Variants in DPP10 observed in about 807,000 individuals in gnomAD.
DPP10 encodes the protein inactive dipeptidyl peptidase 10.
Under a neutral mutation model 120.9 loss-of-function variants are expected in DPP10, and 33 were observed. The observed-to-expected ratio is 0.27, with a 90% CI of 0.21 to 0.37. DPP10 has a LOEUF of 0.37. DPP10 is among the 10% of genes least tolerant of loss of function. The pLI, the probability that DPP10 is intolerant of heterozygous loss-of-function variation, is 1.00. For synonymous variants in DPP10, 337 were observed against 326.1 expected (o/e 1.03, Z -0.36); for missense variants, 816 against 942.8 (o/e 0.87, Z 1.76).
At chr2:115,515,601 C>G (rs994685867) in intron 4 of DPP10, among the ~76,000 whole-genome samples, 3 of 152,032 alleles carry the variant, frequency 2.0e-5, no homozygotes, top group African/African-American at 7.2e-5. Context: ...TAGTCTTAAT[C>G]TAACTGGAAT....
At chr2:114,531,565 C>CATAT (rs5833549) in intron 1 of DPP10, among the ~76,000 whole-genome samples, 22 of 147,434 alleles carry the variant, frequency 1.5e-4, no homozygotes, top group South Asian at 4.3e-4. Flanking sequence ...TATATGTATT[C>CATAT]ATATATATAT....
chr2:115,165,961 A>G (rs1037308370), intron 1 of DPP10, among the ~76,000 whole-genome samples: 1 of 152,350 alleles, frequency 6.6e-6, no homozygotes, highest in East Asian at 1.9e-4. Flanking sequence ...ATCTCTTACA[A>G]TTGAACGTGA....
At chr2:114,929,807 G>T (rs1277875038) in intron 1 of DPP10, among the ~76,000 whole-genome samples, 1 of 152,204 alleles carries the variant, frequency 6.6e-6, no homozygotes, top group African/African-American at 2.4e-5. Context: ...GAAATTATAA[G>T]AGTATTGATT....
At chr2:114,745,809 T>G (rs1678525081) in intron 1 of DPP10, among the ~76,000 whole-genome samples, 1 of 152,212 alleles carries the variant, frequency 6.6e-6, no homozygotes, top group African/African-American at 2.4e-5. Flanking sequence ...AAAGTTGGCT[T>G]GCAGACCTCC....
intron 16 of DPP10, among the ~76,000 whole-genome samples, chr2:115,781,486 T>C (rs1333852317): frequency 6.6e-6 from 1 of 151,962 alleles, no homozygotes; most frequent in Non-Finnish European, 1.5e-5. Context: ...TGTAACAATA[T>C]GCGTAGTCTT....
At chr2:115,812,878 T>G (rs1490353402) in intron 19 of DPP10, among the ~76,000 whole-genome samples, 1 of 151,072 alleles carries the variant, frequency 6.6e-6, no homozygotes, top group East Asian at 1.9e-4. Flanking sequence ...GTACATGACA[T>G]AATGGATCTT....
intron 1 of DPP10, among the ~76,000 whole-genome samples, chr2:114,727,224 G>T (rs1676412767): frequency 6.6e-6 from 1 of 152,182 alleles, no homozygotes; most frequent in Non-Finnish European, 1.5e-5. Flanking sequence ...GGCGATGGCT[G>T]GCAGAGTGGT....
intron 2 of DPP10, among the ~76,000 whole-genome samples, chr2:115,321,386 C>G (rs1017003256): frequency 6.6e-6 from 1 of 152,082 alleles, no homozygotes; most frequent in Non-Finnish European, 1.5e-5. Context: ...TGAGAAATCT[C>G]CTGTTAAACT....
chr2:115,305,188 C>T (rs752076674), intron 1 of DPP10, among the ~76,000 whole-genome samples: 6 of 151,984 alleles, frequency 3.9e-5, no homozygotes, highest in Non-Finnish European at 7.4e-5. Context: ...GCACTTTGTT[C>T]TGTGACCAAA....
chr2:114,810,608 C>A (rs1202282083), intron 1 of DPP10, among the ~76,000 whole-genome samples: 2 of 152,212 alleles, frequency 1.3e-5, no homozygotes, highest in Non-Finnish European at 2.9e-5. Flanking sequence ...CATTTTCCAG[C>A]AATATTAGTA....
chr2:114,695,408 C>A (rs1275179918), intron 1 of DPP10, among the ~76,000 whole-genome samples: 2 of 152,028 alleles, frequency 1.3e-5, no homozygotes, highest in Non-Finnish European at 2.9e-5. Context: ...CCACAATAAA[C>A]CAATGCTAAA....
At chr2:115,793,739 T>A (rs1335478089) in intron 19 of DPP10, among the ~76,000 whole-genome samples, 2 of 152,062 alleles carry the variant, frequency 1.3e-5, no homozygotes, top group Non-Finnish European at 2.9e-5. Context: ...TACTTTGTTA[T>A]ATATAGTTAT....
intron 5 of DPP10, among the ~76,000 whole-genome samples, chr2:115,667,199 T>C (rs2089521775): frequency 6.6e-6 from 1 of 152,164 alleles, no homozygotes; most frequent in Admixed American, 6.6e-5. Context: ...TTAATATGGT[T>C]ATTTGTTTTT....
At chr2:115,831,611 A>C (rs1225894008) in intron 21 of DPP10, among the ~76,000 whole-genome samples, 1 of 152,154 alleles carries the variant, frequency 6.6e-6, no homozygotes, top group African/African-American at 2.4e-5. Context: ...TTTAAAGATG[A>C]TCTGAAAACC....
At chr2:115,751,803 G>GTTT (rs5833628) in intron 10 of DPP10, among the ~76,000 whole-genome samples, 218 of 103,438 alleles carry the variant, frequency 2.1e-3, no homozygotes, top group Admixed American at 5.4e-3. Flanking sequence ...TTTTTTTGTT[G>GTTT]TTTTTTTTTT....
At chr2:115,477,874 A>G (rs1251936290) in intron 3 of DPP10, among the ~76,000 whole-genome samples, 1 of 152,180 alleles carries the variant, frequency 6.6e-6, no homozygotes, top group Non-Finnish European at 1.5e-5. Flanking sequence ...TGGGATGTAT[A>G]GGAAGCATGG....
At chr2:114,955,240 CT>C (rs1439007590) in intron 1 of DPP10, among the ~76,000 whole-genome samples, 1 of 152,126 alleles carries the variant, frequency 6.6e-6, no homozygotes, top group African/African-American at 2.4e-5. Flanking sequence ...TGTGGCCATG[CT>C]TGTGGGAGTG....
chr2:114,823,648 T>C (rs931223158), intron 1 of DPP10, among the ~76,000 whole-genome samples: 2 of 152,150 alleles, frequency 1.3e-5, no homozygotes, highest in African/African-American at 2.4e-5. Flanking sequence ...GATGAGTGAT[T>C]CTGGTGAACT....
chr2:114,813,156 T>C (rs2106328956), intron 1 of DPP10, among the ~76,000 whole-genome samples: 1 of 152,340 alleles, frequency 6.6e-6, no homozygotes, highest in Non-Finnish European at 1.5e-5. Flanking sequence ...AAAGGATCTT[T>C]CATTTTAGAC....
Sources: gnomAD v4.1 joint callset for allele counts (sites outside exome capture counted in the v4.1 genomes callset) on GRCh38, gnomAD v4.1.1 for gene constraint, MANE v1.5 for transcripts, NCBI Gene and HGNC (gene_info 2026-07-23, HGNC 2026-07-21) for gene names.